The following PPM1L variants were observed in gnomAD, a reference collection of about 807,000 sequenced individuals.
PPM1L encodes the protein protein phosphatase, Mg2+/Mn2+ dependent 1L, also known as protein phosphatase 1L.
Under a neutral mutation model 31.4 loss-of-function variants are expected in PPM1L, and 13 were observed. That is an observed-to-expected ratio of 0.41 (90% CI 0.27 to 0.66). The LOEUF (loss-of-function observed/expected upper bound fraction) is 0.66, where lower values mean the gene tolerates loss of function less well. PPM1L is among the 30% of genes least tolerant of loss of function. PPM1L has a pLI of 0.29. For missense variants in PPM1L, 326 were observed against 453.7 expected (o/e 0.72, Z 2.56); for synonymous variants, 184 against 175.4 (o/e 1.05, Z -0.39).
At chr3:161,011,975 T>C (rs2108063628) in intron 2 of PPM1L, among the ~76,000 whole-genome samples, 1 of 152,332 alleles carries the variant, frequency 6.6e-6, no homozygotes, top group Middle Eastern at 3.4e-3. Context: ...ATGGACAATT[T>C]GACTTCCTCT....
At chr3:160,974,507 A>AT (rs1716493062) in intron 2 of PPM1L, among the ~76,000 whole-genome samples, 5 of 151,002 alleles carry the variant, frequency 3.3e-5, no homozygotes, top group Admixed American at 2.6e-4. Context: ...AAGTGTTCCT[A>AT]TTTCTCCACA....
intron 2 of PPM1L, among the ~76,000 whole-genome samples, chr3:161,008,994 G>A (rs1438983214): frequency 6.6e-6 from 1 of 152,170 alleles, no homozygotes; most frequent in African/African-American, 2.4e-5. Context: ...TTAAGAAAGA[G>A]TTCTGTGGAA....
chr3:160,863,105 G>A (rs1711962656), intron 1 of PPM1L, among the ~76,000 whole-genome samples: 1 of 151,770 alleles, frequency 6.6e-6, no homozygotes, highest in African/African-American at 2.4e-5. Flanking sequence ...TCACAATTTG[G>A]GTGTTTTTGT....
intron 1 of PPM1L, among the ~76,000 whole-genome samples, chr3:160,791,567 GT>G (rs1431051881): frequency 6.6e-6 from 1 of 152,076 alleles, no homozygotes; most frequent in Admixed American, 6.6e-5. Flanking sequence ...GACAGGTATT[GT>G]TCCAGGGGCT....
intron 1 of PPM1L, among the ~76,000 whole-genome samples, chr3:160,936,702 CA>C (rs1714984102): frequency 6.6e-6 from 1 of 152,118 alleles, no homozygotes; most frequent in African/African-American, 2.4e-5. Flanking sequence ...TTTTGTTTCC[CA>C]AATGGACTTA....
At chr3:160,922,039 G>A (rs962263126) in intron 1 of PPM1L, among the ~76,000 whole-genome samples, 6 of 152,104 alleles carry the variant, frequency 3.9e-5, no homozygotes, top group Non-Finnish European at 8.8e-5. Context: ...GGCTGGGCAC[G>A]GTGGCTCACA....
chr3:160,828,325 T>G (rs576704306), intron 1 of PPM1L, among the ~76,000 whole-genome samples: 1 of 152,238 alleles, frequency 6.6e-6, no homozygotes, highest in African/African-American at 2.4e-5. Context: ...ACAGCTGATC[T>G]AAGAATAGGG....
intron 1 of PPM1L, among the ~76,000 whole-genome samples, chr3:160,903,247 G>A (rs1393515108): frequency 9.8e-6 from 1 of 101,748 alleles, no homozygotes; most frequent in Non-Finnish European, 2.4e-5. Flanking sequence ...TGTGTATTAA[G>A]AGACTTATTC....
rs530748725 is a variant in PPM1L, at chr3:160,933,361, C to A, written c.400-28375C>A. Among the ~76,000 whole-genome samples, 3 of 151,750 alleles carry A rather than the reference C, an allele frequency of 2.0e-5. No homozygotes were observed. The South Asian group carries it at 6.3e-4, about 32-fold the overall frequency. ...TTTTTGAACTGTTCACAAAATTAAG[C>A]CCAATAGAAAACAAGGCAATTAAAA... On this transcript the variant is annotated intron_variant, in intron 1 of 3. Transcript: ENST00000498165.
chr3:160,955,946 G>T (rs1039349085), intron 1 of PPM1L, among the ~76,000 whole-genome samples: 16 of 152,096 alleles, frequency 1.1e-4, no homozygotes, highest in Non-Finnish European at 1.5e-4. Context: ...GAGCCACCAC[G>T]CTGGGCCGAG....
intron 1 of PPM1L, among the ~76,000 whole-genome samples, chr3:160,903,164 A>T (rs1032322169): frequency 3.8e-5 from 4 of 106,530 alleles, no homozygotes; most frequent in Non-Finnish European, 5.4e-5. Context: ...TAGAAGCAAT[A>T]GTGTGTGTGT....
chr3:160,797,295 C>T (rs140138245), intron 1 of PPM1L, among the ~76,000 whole-genome samples: 8 of 152,276 alleles, frequency 5.3e-5, no homozygotes, highest in African/African-American at 1.7e-4. Context: ...CACCATGAAT[C>T]ACACCCATAG....
chr3:160,761,335 A>T (rs1260093332), intron 1 of PPM1L, among the ~76,000 whole-genome samples: 1 of 152,062 alleles, frequency 6.6e-6, no homozygotes, highest in African/African-American at 2.4e-5. Context: ...GTTTGCTGTC[A>T]TTTGCCTGTG....
At chr3:160,970,991 C>T (rs779739469) in intron 2 of PPM1L, among the ~76,000 whole-genome samples, 2 of 151,994 alleles carry the variant, frequency 1.3e-5, no homozygotes, top group Non-Finnish European at 2.9e-5. Flanking sequence ...GGGGTTTCAC[C>T]CTGTTAGCTC....
At chr3:160,912,963 A>G (rs1415611515) in intron 1 of PPM1L, among the ~76,000 whole-genome samples, 2 of 152,202 alleles carry the variant, frequency 1.3e-5, no homozygotes, top group African/African-American at 4.8e-5. Context: ...GTTACATTTG[A>G]TAACCTCTTT....
intron 1 of PPM1L, among the ~76,000 whole-genome samples, chr3:160,779,221 A>C (rs1342483036): frequency 6.6e-6 from 1 of 152,174 alleles, no homozygotes; most frequent in Non-Finnish European, 1.5e-5. Context: ...GCTTCCTTTC[A>C]ATTCTCAGTT....
chr3:160,990,867 T>C (rs560411527), intron 2 of PPM1L, among the ~76,000 whole-genome samples: 1 of 152,314 alleles, frequency 6.6e-6, no homozygotes, highest in East Asian at 1.9e-4. Context: ...GCAGAATCTC[T>C]AGTGTCCCTT....
At chr3:160,786,975 G>A (rs901694675) in intron 1 of PPM1L, among the ~76,000 whole-genome samples, 2 of 152,092 alleles carry the variant, frequency 1.3e-5, no homozygotes, top group Non-Finnish European at 2.9e-5. Flanking sequence ...TGTTATATAG[G>A]TACCACATTT....
intron 2 of PPM1L, among the ~76,000 whole-genome samples, chr3:161,040,244 C>A (rs530782322): frequency 6.6e-6 from 1 of 152,270 alleles, no homozygotes; most frequent in African/African-American, 2.4e-5. Context: ...AGTGACACTT[C>A]AGCATTTTTT....
Sources: allele counts gnomAD v4.1 joint callset (sites outside exome capture counted in the v4.1 genomes callset), GRCh38; gene constraint gnomAD v4.1.1; transcripts MANE v1.5; gene names NCBI Gene and HGNC (gene_info 2026-07-23, HGNC 2026-07-21).